USP48: variants seen among roughly 807,000 people sequenced by gnomAD.
USP48 encodes ubiquitin specific peptidase 48.
USP48 carries 43 observed loss-of-function variants against 150.7 expected under a neutral mutation model. That is an observed-to-expected ratio of 0.29 (90% CI 0.22 to 0.37). The LOEUF (loss-of-function observed/expected upper bound fraction) is 0.37. Among genes scored for constraint, USP48 ranks in the 10% least tolerant of loss-of-function variants. USP48 has a pLI of 1.00. For synonymous variants in USP48, 396 were observed against 425.9 expected (o/e 0.93, Z 0.86); for missense variants, 813 against 1,249.6 (o/e 0.65, Z 5.27).
At chr1:21,779,553 AAAT>A (rs1007096935) in intron 1 of USP48, among the ~76,000 whole-genome samples, 10 of 152,068 alleles carry the variant, frequency 6.6e-5, no homozygotes, top group African/African-American at 1.9e-4. Context: ...CTCAAAAAAA[AAAT>A]AATAATAATA....
In USP48 at chr1:21,706,542, A is replaced by G. The variant is rs1224967196; in HGVS notation, c.2136T>C (p.Ile712=). 6.2e-7 allele frequency: 1 copy of G among 1,614,182 alleles called. No homozygotes were observed. The highest frequency in any genetic ancestry group is 1.7e-5 in the Admixed American group (1 of 60,012). Residue 712 remains isoleucine, a synonymous_variant, in exon 17 of 27, where the codon ATT becomes ATC. Coordinates refer to ENST00000308271, the MANE Select transcript of USP48 (RefSeq NM_032236.8). ...GGAGAGAAGTCTTTTGCTCGTTTGC[A>G]ATCATCTTATGTAAGGCTTCATTTT... The part of the protein sequence containing the change: ...GEENEALHKM[I]ANEQKTSLPN...
intron 16 of USP48, 75 bp downstream of exon 16, chr1:21,706,669 C>G: frequency 6.2e-7 from 1 of 1,611,736 alleles, no homozygotes; most frequent in South Asian, 1.1e-5. Context: ...GTCAGAAGTA[C>G]AGTGTTAATT....
intron 15 of USP48, among the ~76,000 whole-genome samples, chr1:21,714,330 C>T (rs538883387): frequency 6.6e-6 from 1 of 152,296 alleles, no homozygotes; most frequent in South Asian, 2.1e-4. Context: ...GGCTGGAGTG[C>T]AGCGTCGTGA....
In USP48 at chr1:21,736,577, A is replaced by C; in HGVS notation, c.1040T>G (p.Val347Gly). The C allele has an allele frequency of 6.3e-7, 1 of 1,577,100 alleles. No homozygotes were observed. Among genetic ancestry groups the C allele is most frequent in the Non-Finnish European group, 8.6e-7 (1 of 1,166,408 alleles). The change falls in exon 9 of 27, where the codon GTG (valine) becomes GGG (glycine). Residue 347 changes from valine to glycine, a missense_variant. Transcript: ENST00000308271. ...ELSAVLIHRG[V>G]SAYSGHYIAH... ...GATGTAGTGGCCAGAATAAGCACTC[A>C]CTCCTCTGTGTATGAGGACTGCGCT...
At chr1:21,743,906 T>C (rs1486280591) in intron 8 of USP48, among the ~76,000 whole-genome samples, 1 of 152,074 alleles carries the variant, frequency 6.6e-6, no homozygotes, top group East Asian at 1.9e-4. Context: ...GGTAAGGCAC[T>C]GAGTAAGGGC....
Position 21,715,281 on chromosome 1 carries a change from A to G in USP48, c.1963+108T>C, listed in dbSNP as rs1042528209. ...ATATGGGGAAATTCTATTAAAAAAA[A>G]TTTTTCCCAGGTAAGATGTGAGAGA... is the stretch of plus-strand genomic sequence containing the variant. On this transcript the variant is annotated intron_variant, in intron 15 of 26. Coordinates refer to ENST00000308271, the MANE Select transcript of USP48 (RefSeq NM_032236.8). 4.1e-6 allele frequency: 3 copies of G among 734,696 alleles called. No homozygotes were observed. In the African/African-American group the frequency reaches 5.6e-5, roughly 14 times the overall value. The allele number at this position is 734,696 out of a possible 1,614,324, so 45.5% of individuals were successfully genotyped here.
chr1:21,679,913 C>T (rs541809250), intron 26 of USP48, among the ~76,000 whole-genome samples: 34 of 152,274 alleles, frequency 2.2e-4, no homozygotes, highest in Non-Finnish European at 2.9e-4. Context: ...AGACTGGTCT[C>T]GAACTCCTGA....
intron 25 of USP48, 193 bp downstream of exon 25, chr1:21,686,998 G>C: frequency 1.7e-6 from 1 of 605,082 alleles, no homozygotes; most frequent in South Asian, 2.1e-5. Context: ...CCTCAGGTTA[G>C]CTTTCCAAGT....
chr1:21,706,792 T>C lies in USP48; in HGVS notation c.2040A>G (p.Pro680=). 1 of 1,613,978 alleles carries C rather than the reference T, an allele frequency of 6.2e-7. No homozygotes were observed. Among genetic ancestry groups the C allele is most frequent in the Middle Eastern group, 1.6e-4 (1 of 6,062 alleles). The part of the protein sequence containing the change: ...EAWSKLQQYF[P]KAPEFPSYKE... Reference sequence around the variant, plus strand: ...TGTAACTTGGAAACTCAGGAGCCTTTGGAAAGTACTGCTGCAGTTTGCTCC... The same window carrying C: ...TGTAACTTGGAAACTCAGGAGCCTTCGGAAAGTACTGCTGCAGTTTGCTCC... Residue 680 remains proline (P), a synonymous_variant, in exon 16 of 27, where the codon CCA becomes CCG. Coordinates refer to ENST00000308271, the MANE Select transcript of USP48 (RefSeq NM_032236.8).
intron 8 of USP48, among the ~76,000 whole-genome samples, chr1:21,740,734 C>T (rs528145667): frequency 6.6e-6 from 1 of 152,102 alleles, no homozygotes; most frequent in East Asian, 1.9e-4. Context: ...GTGGAAATAG[C>T]AAATACATAA....
chr1:21,685,550 A>G (rs575290743), intron 25 of USP48, among the ~76,000 whole-genome samples: 60 of 152,104 alleles, frequency 3.9e-4, no homozygotes, highest in African/African-American at 1.2e-3. Context: ...CCTGACTTCA[A>G]CTGCTCCACT....
chr1:21,681,896 C>A (rs944297192), intron 25 of USP48, among the ~76,000 whole-genome samples: 1 of 152,220 alleles, frequency 6.6e-6, no homozygotes, highest in Non-Finnish European at 1.5e-5. Flanking sequence ...TGAAGACAGT[C>A]ATCATCCCTT....
At chr1:21,680,199 TC>T (rs1444864561) in intron 26 of USP48, among the ~76,000 whole-genome samples, 1 of 152,220 alleles carries the variant, frequency 6.6e-6, no homozygotes, top group Non-Finnish European at 1.5e-5. Context: ...GCCAGGGGCT[TC>T]TGGAGTGGCC....
intron 1 of USP48, among the ~76,000 whole-genome samples, chr1:21,780,903 G>A (rs546251432): frequency 6.6e-6 from 1 of 150,398 alleles, no homozygotes; most frequent in South Asian, 2.1e-4. Context: ...CACCACCCCC[G>A]GCTAATTTTT....
intron 1 of USP48, among the ~76,000 whole-genome samples, chr1:21,776,854 G>A (rs2097900553): frequency 6.6e-6 from 1 of 152,038 alleles, no homozygotes; most frequent in Non-Finnish European, 1.5e-5. Flanking sequence ...GGCTGAGGTA[G>A]GAGAACTGCT....
chr1:21,737,682 C>A (rs1333773415), intron 8 of USP48, among the ~76,000 whole-genome samples: 1 of 152,140 alleles, frequency 6.6e-6, no homozygotes. Flanking sequence ...CACATAACCA[C>A]AATTAATACT....
intron 6 of USP48, among the ~76,000 whole-genome samples, chr1:21,751,070 T>C (rs1471520172): frequency 6.6e-6 from 1 of 152,152 alleles, no homozygotes; most frequent in African/African-American, 2.4e-5. Context: ...CTTAGCAGTT[T>C]TCCACTCAGA....
intron 24 of USP48, among the ~76,000 whole-genome samples, chr1:21,687,450 T>C (rs566748898): frequency 6.6e-6 from 1 of 152,356 alleles, no homozygotes; most frequent in Admixed American, 6.5e-5. Flanking sequence ...AGAAGTGGTA[T>C]ACTGTGTGTG....
chr1:21,752,704 A>G, intron 4 of USP48, 53 bp from the exon 5 acceptor site: 1 of 1,537,650 alleles, frequency 6.5e-7, no homozygotes, highest in Non-Finnish European at 8.7e-7. Flanking sequence ...TTCAACTTCT[A>G]CTACAAATAG....
Sources: allele counts gnomAD v4.1 joint callset (sites outside exome capture counted in the v4.1 genomes callset), GRCh38; gene constraint gnomAD v4.1.1; transcripts MANE v1.5; gene names NCBI Gene and HGNC (gene_info 2026-07-23, HGNC 2026-07-21).